Variants in ZFPM2 observed in about 807,000 individuals in gnomAD.
ZFPM2 encodes zinc finger protein ZFPM2.
In ZFPM2, 20 loss-of-function variants were observed where a neutral mutation model predicts 98.6. That is an observed-to-expected ratio of 0.20 (90% CI 0.14 to 0.29). The LOEUF is 0.29. Ranked by LOEUF, ZFPM2 falls within the 10% of genes least tolerant of loss-of-function variation. The probability of loss-of-function intolerance (pLI) is 1.00; values close to 1 mark genes in which losing one functional copy is unlikely to be tolerated. For missense variants in ZFPM2, 1,310 were observed against 1,388.6 expected (o/e 0.94, Z 0.90); for synonymous variants, 518 against 502.7 (o/e 1.03, Z -0.41).
chr8:105,764,659 T>A (rs1012597717), intron 5 of ZFPM2, among the ~76,000 whole-genome samples: 1 of 151,790 alleles, frequency 6.6e-6, no homozygotes, highest in Non-Finnish European at 1.5e-5. Context: ...CCTTGCAAAG[T>A]GAAATGTGTT....
chr8:105,654,779 TA>T (rs1360571003), intron 5 of ZFPM2, among the ~76,000 whole-genome samples: 1 of 152,148 alleles, frequency 6.6e-6, no homozygotes, highest in African/African-American at 2.4e-5. Flanking sequence ...ACCTATTTTG[TA>T]GTGACGCCTG....
At chr8:105,450,002 C>A (rs565222753) in intron 3 of ZFPM2, among the ~76,000 whole-genome samples, 1 of 151,888 alleles carries the variant, frequency 6.6e-6, no homozygotes, top group Admixed American at 6.6e-5. Flanking sequence ...CTATTCCACC[C>A]GACTTAAAAC....
rs1187776434 is a variant in ZFPM2 at position 105,803,551 on chromosome 8, T to C, written c.*13T>C. 1 of 1,594,030 alleles carries C rather than the reference T, an allele frequency of 6.3e-7. No homozygotes were observed. Among genetic ancestry groups the C allele is most frequent in the African/African-American group, 1.3e-5 (1 of 74,612 alleles). On this transcript the variant is annotated 3_prime_UTR_variant, in exon 8 of 8. Transcript: ENST00000407775. ...ACATGTCAAATGAACTAACTAAACA[T>C]CAGTCACCTTTGGTATCAGTGTTTA...
chr8:105,332,355 T>G (rs1270650521), intron 1 of ZFPM2, among the ~76,000 whole-genome samples: 3 of 151,750 alleles, frequency 2.0e-5, no homozygotes, highest in Non-Finnish European at 4.4e-5. Context: ...TAACTACAGT[T>G]GCTAGAAAAA....
At chr8:105,391,786 C>T (rs1242780089) in intron 1 of ZFPM2, among the ~76,000 whole-genome samples, 1 of 152,172 alleles carries the variant, frequency 6.6e-6, no homozygotes, top group African/African-American at 2.4e-5. Context: ...CTATTTCCAG[C>T]CCATCTGTAG....
At chr8:105,575,743 C>A (rs1474930290) in intron 4 of ZFPM2, among the ~76,000 whole-genome samples, 1 of 152,122 alleles carries the variant, frequency 6.6e-6, no homozygotes, top group African/African-American at 2.4e-5. Flanking sequence ...ATTCTGTTGA[C>A]AATGAGTGTT....
At chr8:105,577,826 T>C (rs1194457812) in intron 4 of ZFPM2, among the ~76,000 whole-genome samples, 7 of 151,788 alleles carry the variant, frequency 4.6e-5, no homozygotes, top group Non-Finnish European at 1.0e-4. Context: ...TGAAAAGTGC[T>C]TCCATATTAT....
intron 3 of ZFPM2, among the ~76,000 whole-genome samples, chr8:105,517,425 T>C (rs769139333): frequency 2.6e-5 from 4 of 152,190 alleles, no homozygotes; most frequent in Non-Finnish European, 5.9e-5. Context: ...AAAAATTATA[T>C]GTATTTACAG....
At chr8:105,738,325 C>T (rs2131028033) in intron 5 of ZFPM2, among the ~76,000 whole-genome samples, 1 of 152,022 alleles carries the variant, frequency 6.6e-6, no homozygotes, top group East Asian at 2.0e-4. Context: ...TCTATTTCCT[C>T]CCATGTTCCT....
At chr8:105,405,492 A>G (rs1176166239) in intron 1 of ZFPM2, among the ~76,000 whole-genome samples, 4 of 134,068 alleles carry the variant, frequency 3.0e-5, no homozygotes, top group Admixed American at 9.2e-5. Context: ...ATGTGGTCTC[A>G]TTGTTCAATT....
At chr8:105,549,635 A>G (rs1379457889) in intron 3 of ZFPM2, among the ~76,000 whole-genome samples, 1 of 145,786 alleles carries the variant, frequency 6.9e-6, no homozygotes, top group Admixed American at 7.0e-5. Flanking sequence ...TAATTGAGAC[A>G]GGGGCTCACT....
chr8:105,644,677 G>A (rs1434028520), intron 5 of ZFPM2, among the ~76,000 whole-genome samples: 1 of 151,992 alleles, frequency 6.6e-6, no homozygotes, highest in Non-Finnish European at 1.5e-5. Flanking sequence ...TCATGATTCC[G>A]GAGACTGGGA....
chr8:105,631,705 A>C (rs1458111360), intron 4 of ZFPM2, among the ~76,000 whole-genome samples: 1 of 152,184 alleles, frequency 6.6e-6, no homozygotes, highest in Admixed American at 6.5e-5. Flanking sequence ...TTCACCAAAA[A>C]AGACATACTT....
chr8:105,530,314 G>A (rs1031898388), intron 3 of ZFPM2, among the ~76,000 whole-genome samples: 3 of 152,136 alleles, frequency 2.0e-5, no homozygotes, highest in Non-Finnish European at 4.4e-5. Flanking sequence ...GCAACAGTCT[G>A]ATGTTCTGTC....
Position 105,561,468 on chromosome 8 carries a change from A to G in ZFPM2, c.407A>G (p.Asn136Ser), listed in dbSNP as rs910792890. Residue 136 changes from asparagine to serine, a missense_variant, in exon 4 of 8, where the codon AAT (asparagine) becomes AGT (serine). Coordinates refer to ENST00000407775, the MANE Select transcript of ZFPM2 (RefSeq NM_012082.4). Reference sequence around the variant, plus strand: ...CCGTTTCCTGGGAAGATGGACTTGAATAATAATTCTTTGGTATGTGGATAT... The same window carrying G: ...CCGTTTCCTGGGAAGATGGACTTGAGTAATAATTCTTTGGTATGTGGATAT... ...WGPFPGKMDL[N>S]NNSLKTKAQV... The G allele has an allele frequency of 2.3e-5, 37 of 1,611,792 alleles. No homozygotes were observed. The highest frequency in any genetic ancestry group is 3.1e-5 in the Non-Finnish European group (36 of 1,178,766).
intron 1 of ZFPM2, among the ~76,000 whole-genome samples, chr8:105,409,787 A>G (rs1271360562): frequency 6.6e-6 from 1 of 151,878 alleles, no homozygotes; most frequent in African/African-American, 2.4e-5. Flanking sequence ...GCCCCATCCC[A>G]CAGAGTTTCT....
At chr8:105,323,571 A>C (rs1376582732) in intron 1 of ZFPM2, among the ~76,000 whole-genome samples, 1 of 151,946 alleles carries the variant, frequency 6.6e-6, no homozygotes, top group Non-Finnish European at 1.5e-5. Context: ...GATAGCATAA[A>C]AATAATTTCC....
At chr8:105,450,378 A>T (rs1812461719) in intron 3 of ZFPM2, among the ~76,000 whole-genome samples, 1 of 152,118 alleles carries the variant, frequency 6.6e-6, no homozygotes, top group South Asian at 2.1e-4. Context: ...AATGTGGTAG[A>T]TATAAGATCT....
chr8:105,622,675 C>T (rs1367994642), intron 4 of ZFPM2, among the ~76,000 whole-genome samples: 1 of 152,062 alleles, frequency 6.6e-6, no homozygotes, highest in Non-Finnish European at 1.5e-5. Flanking sequence ...GGTTGAAGTC[C>T]TTTTCTCATT....
Sources: gnomAD v4.1 joint callset for allele counts (sites outside exome capture counted in the v4.1 genomes callset) on GRCh38, gnomAD v4.1.1 for gene constraint, MANE v1.5 for transcripts, NCBI Gene and HGNC (gene_info 2026-07-23, HGNC 2026-07-21) for gene names.